ERC1: variants seen among roughly 807,000 people sequenced by gnomAD.
The protein encoded by ERC1 is RAB6 interacting protein 2.
Under a neutral mutation model 132.0 loss-of-function variants are expected in ERC1, and 56 were observed. The observed-to-expected ratio is 0.42, with a 90% CI of 0.34 to 0.53. The LOEUF (loss-of-function observed/expected upper bound fraction) is 0.53. Among genes scored for constraint, ERC1 ranks in the 20% least tolerant of loss-of-function variants. The pLI is 0.03. For missense variants in ERC1, 1,202 were observed against 1,349.9 expected (o/e 0.89, Z 1.72); for synonymous variants, 478 against 476.1 (o/e 1.00, Z -0.05).
intron 14 of ERC1, among the ~76,000 whole-genome samples, chr12:1,281,341 A>T (rs2078666000): frequency 6.6e-6 from 1 of 152,220 alleles, no homozygotes; most frequent in Admixed American, 6.5e-5. Context: ...CAAAAAAAAA[A>T]TGCCTTTTCA....
At chr12:1,013,452 ATAG>A (rs1456750755) in intron 1 of ERC1, among the ~76,000 whole-genome samples, 1 of 152,020 alleles carries the variant, frequency 6.6e-6, no homozygotes, top group Non-Finnish European at 1.5e-5. Flanking sequence ...AAAAGGCGAA[ATAG>A]TAACTGACAA....
In ERC1 at chr12:1,492,423, C is replaced by T. The variant is rs1052414700; in HGVS notation, c.*2193C>T. ...GCCACGGTGGAACCAAGACAGCAGG[C>T]GAGGCCATGCCTAAACAAGTGGTCT... On this transcript the variant is annotated 3_prime_UTR_variant, in exon 19 of 19. Coordinates refer to ENST00000360905, the MANE Select transcript of ERC1 (RefSeq NM_178040.4). The T allele has an allele frequency of 1.7e-5, 4 of 233,052 alleles. No individual in the cohort carries two copies. Among genetic ancestry groups the T allele is most frequent in the African/African-American group, 2.2e-5 (1 of 45,310 alleles). The allele number at this position is 233,052 out of a possible 1,614,324, so 14.4% of individuals were successfully genotyped here.
intron 16 of ERC1, among the ~76,000 whole-genome samples, chr12:1,389,783 A>G (rs1032740938): frequency 2.0e-5 from 3 of 152,240 alleles, no homozygotes; most frequent in Non-Finnish European, 2.9e-5. Context: ...GCACTCCCTC[A>G]AGAAAAGAAT....
chr12:1,308,121 AG>A (rs1214700091), intron 15 of ERC1, among the ~76,000 whole-genome samples: 4 of 152,216 alleles, frequency 2.6e-5, no homozygotes, highest in Admixed American at 6.5e-5. Flanking sequence ...AACCTCTGAC[AG>A]GGATAGAGGC....
rs372551806 is a variant in ERC1, at chr12:1,110,325, A to G, written c.1295A>G (p.His432Arg). 9 of 1,606,444 alleles carry G rather than the reference A, an allele frequency of 5.6e-6. No homozygotes were observed. In the East Asian group the frequency reaches 1.1e-4, roughly 20 times the overall value. Residue 432 changes from histidine (H) to arginine (R), a missense_variant, in exon 5 of 19, where the codon CAT becomes CGT. By Grantham distance (29) the His-to-Arg change is conservative. Transcript: ENST00000360905. Reference sequence around the variant, plus strand: ...AAGCAAATGGAAGTGTATCGGAGCCATTCTAAATTTATGAAAAATAAGGTA... The same window carrying G: ...AAGCAAATGGAAGTGTATCGGAGCCGTTCTAAATTTATGAAAAATAAGGTA... ...EMKQMEVYRS[H>R]SKFMKNKVEQ...
chr12:1,205,533 T>G (rs943615854), intron 12 of ERC1, among the ~76,000 whole-genome samples: 14 of 151,760 alleles, frequency 9.2e-5, no homozygotes, highest in African/African-American at 2.9e-4. Flanking sequence ...AAAAAGAAAA[T>G]AAATTGAAAA....
intron 3 of ERC1, among the ~76,000 whole-genome samples, chr12:1,103,325 G>T (rs963967796): frequency 6.6e-6 from 1 of 152,258 alleles, no homozygotes; most frequent in Middle Eastern, 3.4e-3. Context: ...ATGAGATGAG[G>T]CCTTTGCAGG....
intron 15 of ERC1, among the ~76,000 whole-genome samples, chr12:1,311,089 T>C (rs1594922484): frequency 6.6e-6 from 1 of 152,358 alleles, no homozygotes; most frequent in South Asian, 2.1e-4. Context: ...AAAGGAAACA[T>C]TTTATAAGGA....
chr12:1,226,579 C>G (rs1349360017), intron 12 of ERC1, among the ~76,000 whole-genome samples: 2 of 152,220 alleles, frequency 1.3e-5, no homozygotes, highest in African/African-American at 2.4e-5. Context: ...CTTCCACGAT[C>G]TCCCCCTTTC....
At chr12:1,170,590 G>C (rs771426018) in intron 8 of ERC1, among the ~76,000 whole-genome samples, 20 of 152,142 alleles carry the variant, frequency 1.3e-4, no homozygotes, top group Admixed American at 5.9e-4. Context: ...TTTAGCACAG[G>C]GAGGTCTGTC....
rs5795968 is a variant in ERC1 at position 1,374,824 on chromosome 12, A to ATTT, written c.2925+2867_2925+2869dup. Among the ~76,000 whole-genome samples the ATTT allele has an allele frequency of 9.0e-3, 1,120 of 124,530 alleles. 21 individuals are homozygous for ATTT. Among genetic ancestry groups the ATTT allele is most frequent in the African/African-American group, 0.03 (1,023 of 33,752 alleles). The allele number at this position is 124,530 out of a possible 152,430, so 81.7% of individuals were successfully genotyped here. ...GCTGGGCTTTTCAGGACAGGCTGGG[A>ATTT]TTTTTTTTTTTTTTTTTTTTTTCTG... On this transcript the variant is annotated intron_variant, in intron 16 of 18. Transcript: ENST00000360905.
At chr12:1,014,633 C>A (rs1026703101) in intron 1 of ERC1, among the ~76,000 whole-genome samples, 9 of 152,120 alleles carry the variant, frequency 5.9e-5, no homozygotes, top group African/African-American at 1.7e-4. Flanking sequence ...GTGTATATAT[C>A]CTTTGTACAC....
rs532464987 is a variant in ERC1, at chr12:1,424,875, T to C, written c.3024+16628T>C. 2.7e-5 allele frequency among the ~76,000 whole-genome samples: 4 copies of C among 146,930 alleles called. No homozygotes were observed. The South Asian group carries it at 8.5e-4, about 31-fold the overall frequency. ...ATAGATAGATAGATCGATAGATAGA[T>C]AGATAGATAGATAGATAGATAGATA... On this transcript the variant is annotated intron_variant, in intron 17 of 18. Transcript: ENST00000360905.
intron 17 of ERC1, among the ~76,000 whole-genome samples, chr12:1,424,070 TC>T (rs2092527718): frequency 6.6e-6 from 1 of 151,788 alleles, no homozygotes; most frequent in African/African-American, 2.4e-5. Flanking sequence ...TTTTTAATAA[TC>T]TATTTTCTAA....
At chr12:1,045,146 A>G (rs1397794913) in intron 2 of ERC1, among the ~76,000 whole-genome samples, 2 of 152,036 alleles carry the variant, frequency 1.3e-5, no homozygotes, top group African/African-American at 2.4e-5. Flanking sequence ...GCTTATTTTA[A>G]ATTATTAATT....
chr12:1,006,280 C>T (rs1963573248), intron 1 of ERC1, among the ~76,000 whole-genome samples: 1 of 152,040 alleles, frequency 6.6e-6, no homozygotes, highest in East Asian at 1.9e-4. Context: ...TTTTTTGAGA[C>T]AGATTTTTCT....
At chr12:1,489,956 A>T in intron 18 of ERC1, 137 bp from the exon 19 acceptor site, 1 of 1,004,796 alleles carries the variant, frequency 1.0e-6, no homozygotes, top group East Asian at 2.4e-5. Context: ...TTGCTTTTAC[A>T]CTTTTCTTAT....
chr12:1,071,044 A>G (rs759177900), intron 2 of ERC1, among the ~76,000 whole-genome samples: 8 of 152,204 alleles, frequency 5.3e-5, no homozygotes, highest in Non-Finnish European at 1.0e-4. Context: ...ATCCTTTTAT[A>G]TACTGAGTAA....
intron 1 of ERC1, among the ~76,000 whole-genome samples, chr12:1,006,958 A>G (rs61917259): frequency 0.15 from 22,319 of 149,738 alleles, 2,085 homozygotes; most frequent in Non-Finnish European, 0.2. Flanking sequence ...TAGTATATAT[A>G]ATATAGTATA....
Sources: allele counts gnomAD v4.1 joint callset (sites outside exome capture counted in the v4.1 genomes callset), GRCh38; gene constraint gnomAD v4.1.1; transcripts MANE v1.5; gene names NCBI Gene and HGNC (gene_info 2026-07-23, HGNC 2026-07-21).